DNAAF4: variants seen among roughly 807,000 people sequenced by gnomAD.
DNAAF4 encodes the protein dynein assembly factor 4, axonemal.
In DNAAF4, 43 loss-of-function variants were observed where a neutral mutation model predicts 51.8. That is an observed-to-expected ratio of 0.83 (90% CI 0.65 to 1.07). The LOEUF (loss-of-function observed/expected upper bound fraction) is 1.07, where lower values mean the gene tolerates loss of function less well. Among genes scored for constraint, DNAAF4 ranks in the 50% least tolerant of loss-of-function variants. The pLI is 0.00. For synonymous variants in DNAAF4, 194 were observed against 165.6 expected, an observed-to-expected ratio of 1.17 and a Z score of -1.32; for missense variants, 581 against 493.0, an observed-to-expected ratio of 1.18 and a Z score of -1.69.
At chr15:55,506,053 G>C (rs2058725674) in intron 1 of DNAAF4, among the ~76,000 whole-genome samples, 1 of 152,088 alleles carries the variant, frequency 6.6e-6, no homozygotes. Context: ...TGTGATCTCA[G>C]AGTACTTTTG....
rs1030353838 is a variant in DNAAF4 at position 55,470,467 on chromosome 15, G to A, written c.406-3306C>T. On this transcript the variant is annotated intron_variant, in intron 4 of 9. Transcript: ENST00000321149. ...GTTTCCATGCCTTCTCCCTCCAAGT[G>A]TTCAGCAACCCAGAAGTTCTCCAAA... Among the ~76,000 whole-genome samples the A allele has an allele frequency of 1.3e-5, 2 of 151,910 alleles. 1 individual carries two copies. The highest frequency in any genetic ancestry group is 4.1e-4 in the South Asian group (2 of 4,828).
At chr15:55,504,099 G>A (rs2058713829) in intron 1 of DNAAF4, among the ~76,000 whole-genome samples, 2 of 152,144 alleles carry the variant, frequency 1.3e-5, no homozygotes, top group Admixed American at 6.6e-5. Flanking sequence ...AAATCAATGT[G>A]CAAAAATCAC....
chr15:55,489,833 T>C (rs914429693), intron 4 of DNAAF4, among the ~76,000 whole-genome samples: 7 of 152,084 alleles, frequency 4.6e-5, no homozygotes, highest in African/African-American at 1.7e-4. Context: ...TATAGATTCC[T>C]TAGTCACTGC....
chr15:55,479,168 T>C (rs2058375183), intron 4 of DNAAF4, among the ~76,000 whole-genome samples: 1 of 151,144 alleles, frequency 6.6e-6, no homozygotes, highest in Non-Finnish European at 1.5e-5. Context: ...TAGCTCTGGG[T>C]GTTGGCTGGT....
In DNAAF4 at chr15:55,498,282, C is replaced by A. The variant is rs779176206; in HGVS notation, c.48G>T (p.Ala16=). Residue 16 remains alanine, a synonymous_variant, in exon 2 of 10, where the codon GCG becomes GCT. Coordinates refer to ENST00000321149, the MANE Select transcript of DNAAF4 (RefSeq NM_130810.4). Reference sequence around the variant, plus strand: ...CTTTGAGGGGCAGAGACAGAAAGACCGCAGTCTTCGTCTGCTGCCAGCTGT... The same window carrying A: ...CTTTGAGGGGCAGAGACAGAAAGACAGCAGTCTTCGTCTGCTGCCAGCTGT... ...SDYSWQQTKT[A]VFLSLPLKGV... 56 of 1,613,300 alleles carry A rather than the reference C, an allele frequency of 3.5e-5. No homozygotes were observed. The Admixed American group carries it at 3.5e-4, about 10-fold the overall frequency.
chr15:55,432,100 C>T (rs959040984), intron 9 of DNAAF4, among the ~76,000 whole-genome samples: 15 of 152,168 alleles, frequency 9.9e-5, no homozygotes, highest in South Asian at 8.3e-4. Flanking sequence ...GGATTACAGG[C>T]ATGTGCCACT....
At chr15:55,467,900 G>C (rs1222033588) in intron 4 of DNAAF4, among the ~76,000 whole-genome samples, 1 of 151,192 alleles carries the variant, frequency 6.6e-6, no homozygotes, top group Non-Finnish European at 1.5e-5. Context: ...AAAAAACCTT[G>C]TGAAACAGAG....
In DNAAF4 at chr15:55,443,969, A is replaced by C. The variant is rs532148717; in HGVS notation, c.784-4388T>G. On this transcript the variant is annotated intron_variant, in intron 6 of 9. Transcript: ENST00000321149. ...CCCTTCGTCAGATGAGTAGATTGCA[A>C]AAATTTTCTCCCATTCTGTAGGTTG... 4.7e-3 allele frequency among the ~76,000 whole-genome samples: 711 copies of C among 152,114 alleles called. 4 individuals carry two copies. Among genetic ancestry groups the C allele is most frequent in the Non-Finnish European group, 8.0e-3 (542 of 67,904 alleles).
At chr15:55,466,624 C>G (rs1221817440) in intron 5 of DNAAF4, among the ~76,000 whole-genome samples, 1 of 152,098 alleles carries the variant, frequency 6.6e-6, no homozygotes, top group African/African-American at 2.4e-5. Flanking sequence ...TAGTCCACTC[C>G]AAGTCTTTTT....
At chr15:55,450,745 A>G (rs1209501408) in intron 5 of DNAAF4, among the ~76,000 whole-genome samples, 1 of 152,158 alleles carries the variant, frequency 6.6e-6, no homozygotes, top group Non-Finnish European at 1.5e-5. Context: ...TACATACTTT[A>G]TCTCCTATAT....
intron 7 of DNAAF4, among the ~76,000 whole-genome samples, chr15:55,421,422 T>C (rs111245807): frequency 0.18 from 26,973 of 149,798 alleles, 4,141 homozygotes; most frequent in African/African-American, 0.42. Context: ...AGAATCTCTT[T>C]AACCTGGGAG....
At chr15:55,482,296 A>G (rs753805480) in intron 4 of DNAAF4, among the ~76,000 whole-genome samples, 2 of 152,208 alleles carry the variant, frequency 1.3e-5, no homozygotes, top group Non-Finnish European at 2.9e-5. Context: ...ATTGTGGAAA[A>G]CTATTTGATG....
At position 55,480,104 on chromosome 15, in the gene DNAAF4, AT is replaced by A; in HGVS notation, c.405+11018del. On this transcript the variant is annotated intron_variant, in intron 4 of 9. Transcript: ENST00000321149. Reference sequence around the variant, plus strand: ...AGTTCTGCTTGTTGCCCTTTGAAGCATATGATCTTTGTATCTACTCCCTGTT... The same window carrying A: ...AGTTCTGCTTGTTGCCCTTTGAAGCAATGATCTTTGTATCTACTCCCTGTT... 2.0e-5 allele frequency among the ~76,000 whole-genome samples: 3 copies of A among 152,182 alleles called. No homozygotes were observed. In the Middle Eastern group the frequency reaches 0.01, roughly 518 times the overall value.
At chr15:55,486,156 G>C (rs1210641423) in intron 4 of DNAAF4, among the ~76,000 whole-genome samples, 1 of 150,026 alleles carries the variant, frequency 6.7e-6, no homozygotes, top group Non-Finnish European at 1.5e-5. Flanking sequence ...TGATGACCCT[G>C]CCTCGTTTTT....
At chr15:55,507,423 T>A (rs1041075493) in intron 1 of DNAAF4, among the ~76,000 whole-genome samples, 1 of 152,276 alleles carries the variant, frequency 6.6e-6, no homozygotes, top group East Asian at 1.9e-4. Flanking sequence ...TAATAAAGTG[T>A]CTAATATACC....
intron 8 of DNAAF4, among the ~76,000 whole-genome samples, chr15:55,433,385 C>A (rs892720219): frequency 2.0e-5 from 3 of 151,736 alleles, no homozygotes; most frequent in Non-Finnish European, 4.4e-5. Context: ...CCCAGGCGGG[C>A]GGAGGCCCAG....
chr15:55,487,303 C>T (rs141306570), intron 4 of DNAAF4, among the ~76,000 whole-genome samples: 53 of 152,210 alleles, frequency 3.5e-4, no homozygotes, highest in African/African-American at 8.9e-4. Flanking sequence ...GGATTGTAAA[C>T]GCGCCAATCA....
At chr15:55,428,173 C>A (rs2057449328), downstream of DNAAF4, among the ~76,000 whole-genome samples, 2 of 152,042 alleles carry the variant, frequency 1.3e-5, no homozygotes, top group South Asian at 4.2e-4. Context: ...AGGCTGCTCT[C>A]TAACTCCTGA....
At chr15:55,452,239 C>T (rs1286841898) in intron 5 of DNAAF4, among the ~76,000 whole-genome samples, 1 of 59,432 alleles carries the variant, frequency 1.7e-5, no homozygotes, top group Non-Finnish European at 2.9e-5. Flanking sequence ...CAGAGCATGT[C>T]TCACTAAAAA....
Sources: gnomAD v4.1 joint callset for allele counts (sites outside exome capture counted in the v4.1 genomes callset) on GRCh38, gnomAD v4.1.1 for gene constraint, MANE v1.5 for transcripts, NCBI Gene and HGNC (gene_info 2026-07-23, HGNC 2026-07-21) for gene names.